Variants in ZNF385D observed in about 807,000 individuals in gnomAD.
The protein encoded by ZNF385D is zinc finger protein 659.
In ZNF385D, 15 loss-of-function variants were observed where a neutral mutation model predicts 35.8. The ratio of observed to expected loss-of-function variants is 0.42; its 90% CI spans 0.28 to 0.64. The LOEUF (loss-of-function observed/expected upper bound fraction) is 0.64. Among genes scored for constraint, ZNF385D ranks in the 30% least tolerant of loss-of-function variants. The pLI, the probability that ZNF385D is intolerant of heterozygous loss-of-function variation, is 0.23. For synonymous variants in ZNF385D, 212 were observed against 186.8 expected (o/e 1.13, Z -1.10); for missense variants, 474 against 494.6 (o/e 0.96, Z 0.39).
At chr3:22,000,551 A>G (rs936905994) in intron 3 of ZNF385D, among the ~76,000 whole-genome samples, 7 of 152,146 alleles carry the variant, frequency 4.6e-5, no homozygotes, top group East Asian at 3.9e-4. Context: ...TGCTCTGTCT[A>G]TGGAATACCC....
intron 3 of ZNF385D, among the ~76,000 whole-genome samples, chr3:21,966,684 C>T (rs1702933551): frequency 6.6e-6 from 1 of 152,140 alleles, no homozygotes; most frequent in Non-Finnish European, 1.5e-5. Flanking sequence ...CGGGTTCAAT[C>T]GATTTTCCTG....
chr3:22,234,950 A>G (rs1699094502), intron 2 of ZNF385D, among the ~76,000 whole-genome samples: 1 of 152,022 alleles, frequency 6.6e-6, no homozygotes, highest in Non-Finnish European at 1.5e-5. Context: ...TCAAGTAAAC[A>G]TTTTTATAGT....
At chr3:22,034,188 G>A (rs1410101690) in intron 3 of ZNF385D, among the ~76,000 whole-genome samples, 1 of 152,178 alleles carries the variant, frequency 6.6e-6, no homozygotes, top group African/African-American at 2.4e-5. Context: ...GACTTTGGGA[G>A]ATTAGAATTA....
chr3:22,171,936 A>G lies in ZNF385D; in HGVS notation c.107-2901T>C, dbSNP rs1457363768. Reference sequence around the variant, plus strand: ...TTTGCAGGAAAACTGCAGTGGCTCAAATGGCACTCTCTGAAGTAGGAGGCA... The same window carrying G: ...TTTGCAGGAAAACTGCAGTGGCTCAGATGGCACTCTCTGAAGTAGGAGGCA... On this transcript the variant is annotated intron_variant, in intron 2 of 5. Coordinates refer to the ZNF385D transcript ENST00000494108. Among the ~76,000 whole-genome samples the G allele has an allele frequency of 3.9e-5, 6 of 152,058 alleles. No individual in the cohort carries two copies. In the East Asian group the frequency reaches 7.7e-4, roughly 20 times the overall value.
At chr3:22,289,596 A>G (rs1022643730) in intron 2 of ZNF385D, among the ~76,000 whole-genome samples, 15 of 152,196 alleles carry the variant, frequency 9.9e-5, no homozygotes, top group African/African-American at 3.1e-4. Flanking sequence ...TTTCAGCCCC[A>G]TCTATGCACT....
At chr3:21,810,829 T>C (rs2072886415) in intron 3 of ZNF385D, among the ~76,000 whole-genome samples, 1 of 151,916 alleles carries the variant, frequency 6.6e-6, no homozygotes, top group Non-Finnish European at 1.5e-5. Context: ...GGACTTTGAG[T>C]ATACATTCCT....
intron 3 of ZNF385D, among the ~76,000 whole-genome samples, chr3:21,916,066 A>AT (rs1260541351): frequency 6.6e-6 from 1 of 152,158 alleles, no homozygotes; most frequent in Non-Finnish European, 1.5e-5. Context: ...GTACTCCAAA[A>AT]TGAAAAAGGA....
At chr3:21,508,816 G>A (rs894285252) in intron 4 of ZNF385D, among the ~76,000 whole-genome samples, 1 of 152,092 alleles carries the variant, frequency 6.6e-6, no homozygotes, top group East Asian at 1.9e-4. Flanking sequence ...TTTCTGGGCA[G>A]CCATTCTCCA....
chr3:22,086,793 T>A (rs1480341234), intron 3 of ZNF385D, among the ~76,000 whole-genome samples: 1 of 152,144 alleles, frequency 6.6e-6, no homozygotes, highest in South Asian at 2.1e-4. Context: ...GGGACATGGA[T>A]GAAGCTGGAA....
At chr3:22,204,967 ACTGACC>A in intron 2 of ZNF385D, among the ~76,000 whole-genome samples, 1 of 144,028 alleles carries the variant, frequency 6.9e-6, no homozygotes. Context: ...ATAAAAGAGG[ACTGACC>A]AAATCCAAAA....
chr3:22,100,592 C>A (rs140048895), intron 3 of ZNF385D, among the ~76,000 whole-genome samples: 16,354 of 148,856 alleles, frequency 0.11, 1,079 homozygotes, highest in Admixed American at 0.19. Flanking sequence ...GGACAAAAAA[C>A]CAAACATCAC....
chr3:21,871,595 G>A (rs974112520), intron 3 of ZNF385D, among the ~76,000 whole-genome samples: 1 of 152,102 alleles, frequency 6.6e-6, no homozygotes, highest in South Asian at 2.1e-4. Flanking sequence ...TAGTAATTTT[G>A]TCAATGGTTA....
rs115394380 is a variant in ZNF385D at position 22,291,698 on chromosome 3, G to A, written c.106+80752C>T. The stretch of plus-strand genomic sequence containing the variant: ...AATATTGTGGGGTTTATGATCTTGT[G>A]TATATTTGTTCTTTTCTTCACTTTA... On this transcript the variant is annotated intron_variant, in intron 2 of 5. Transcript: ENST00000494108. 4.8e-3 allele frequency among the ~76,000 whole-genome samples: 735 copies of A among 152,012 alleles called. 3 individuals carry two copies. The highest frequency in any genetic ancestry group is 0.017 in the African/African-American group (700 of 41,516).
chr3:21,631,542 T>A (rs1307628712), intron 2 of ZNF385D, among the ~76,000 whole-genome samples: 1 of 152,160 alleles, frequency 6.6e-6, no homozygotes. Context: ...TTTTCTTCTC[T>A]TTTTGCTAAG....
intron 4 of ZNF385D, among the ~76,000 whole-genome samples, chr3:21,473,022 T>A (rs1288512705): frequency 1.3e-5 from 2 of 152,164 alleles, no homozygotes; most frequent in African/African-American, 2.4e-5. Context: ...CAAGTCACCA[T>A]CACCTCTTGC....
chr3:21,775,302 A>C (rs1242048246), intron 3 of ZNF385D, among the ~76,000 whole-genome samples: 1 of 151,790 alleles, frequency 6.6e-6, no homozygotes. Flanking sequence ...CTGTTTCCTA[A>C]ATCAGCCTAG....
intron 2 of ZNF385D, among the ~76,000 whole-genome samples, chr3:22,338,888 A>G (rs1368061874): frequency 6.6e-6 from 1 of 151,890 alleles, no homozygotes; most frequent in African/African-American, 2.4e-5. Flanking sequence ...TTTAGTAGAG[A>G]TGGAGTTTCA....
chr3:21,466,827 T>C (rs2125328918), intron 4 of ZNF385D, among the ~76,000 whole-genome samples: 1 of 152,246 alleles, frequency 6.6e-6, no homozygotes, highest in African/African-American at 2.4e-5. Context: ...TAAAGAAAAA[T>C]TCAGAGGACT....
intron 3 of ZNF385D, among the ~76,000 whole-genome samples, chr3:21,910,708 T>C (rs923623365): frequency 1.3e-5 from 2 of 151,360 alleles, no homozygotes; most frequent in African/African-American, 4.9e-5. Flanking sequence ...AAAAGTAACA[T>C]GCATGGGCCA....
Sources: gnomAD v4.1 joint callset for allele counts (sites outside exome capture counted in the v4.1 genomes callset) on GRCh38, gnomAD v4.1.1 for gene constraint, MANE v1.5 for transcripts, NCBI Gene and HGNC (gene_info 2026-07-23, HGNC 2026-07-21) for gene names.